XPNPEP1: variants seen among roughly 807,000 people sequenced by gnomAD.
The protein encoded by XPNPEP1 is X-prolyl aminopeptidase 1.
XPNPEP1 carries 39 observed loss-of-function variants against 92.4 expected under a neutral mutation model. The ratio of observed to expected loss-of-function variants is 0.42; its 90% CI spans 0.33 to 0.55. XPNPEP1 has a LOEUF of 0.55. Among genes scored for constraint, XPNPEP1 ranks in the 20% least tolerant of loss-of-function variants. The pLI is 0.08. For missense variants in XPNPEP1, 654 were observed against 856.1 expected, an observed-to-expected ratio of 0.76 and a Z score of 2.95; for synonymous variants, 307 against 299.4, an observed-to-expected ratio of 1.03 and a Z score of -0.26.
rs763876854 is a variant in XPNPEP1, at chr10:109,882,493, G to C, written c.980C>G (p.Pro327Arg). Residue 327 changes from proline (P) to arginine (R), a missense_variant, in exon 10 of 21, where the codon CCA becomes CGA. Pro to Arg is a moderately radical substitution (Grantham distance 103). Transcript: ENST00000502935. ...GTCACTGACCCACACCTTCTCCCTT[G>C]GGGAGAGGTCAGCACACAGGGCCTT... ...ELKALCADLS[P>R]REKVWVSDKA... is the part of the protein sequence containing the mutation. 6.2e-7 allele frequency: 1 copy of C among 1,614,076 alleles called. No homozygotes were observed. Among genetic ancestry groups the C allele is most frequent in the East Asian group, 2.2e-5 (1 of 44,896 alleles).
intron 18 of XPNPEP1, 117 bp from the exon 19 acceptor site, chr10:109,870,146 G>C: frequency 8.9e-7 from 1 of 1,124,100 alleles, no homozygotes; most frequent in Non-Finnish European, 1.3e-6. Context: ...CGGGTGAAGA[G>C]CCCACTCTAT....
At chr10:109,892,044 G>C (rs1178621960) in intron 4 of XPNPEP1, among the ~76,000 whole-genome samples, 1 of 152,164 alleles carries the variant, frequency 6.6e-6, no homozygotes, top group African/African-American at 2.4e-5. Context: ...TGAGACCCAA[G>C]CTACCTGGCA....
At chr10:109,884,257 T>C in intron 8 of XPNPEP1, 109 bp from the exon 9 acceptor site, 3 of 1,042,734 alleles carry the variant, frequency 2.9e-6, no homozygotes, top group Non-Finnish European at 4.3e-6. Context: ...TGCGCAAGGA[T>C]TCAGTGGAAT....
At chr10:109,917,665 G>C (rs1850266246) in intron 1 of XPNPEP1, among the ~76,000 whole-genome samples, 1 of 152,160 alleles carries the variant, frequency 6.6e-6, no homozygotes, top group Non-Finnish European at 1.5e-5. Flanking sequence ...ACCCAGAATA[G>C]CCAAAACAAT....
At position 109,899,321 on chromosome 10, in the gene XPNPEP1, G is replaced by C. The variant is rs72828205; in HGVS notation, c.247-6246C>G. ...GTGGGTGAGAGGTGATACCTGGGTC[G>C]GGGCTCTAACAAATGAGTGTGCCCT... On this transcript the variant is annotated intron_variant, in intron 3 of 20. Transcript: ENST00000502935. 7.2e-5 allele frequency among the ~76,000 whole-genome samples: 11 copies of C among 152,188 alleles called. No homozygotes were observed. The East Asian group carries it at 7.7e-4, about 11-fold the overall frequency.
At chr10:109,888,405 C>A in intron 6 of XPNPEP1, 98 bp downstream of exon 6, 1 of 1,296,374 alleles carries the variant, frequency 7.7e-7, no homozygotes, top group Non-Finnish European at 1.1e-6. Context: ...TCATGCTGAG[C>A]CCCCCAGTGC....
At chr10:109,868,273 C>T (rs1487200263) in intron 20 of XPNPEP1, among the ~76,000 whole-genome samples, 1 of 151,778 alleles carries the variant, frequency 6.6e-6, no homozygotes, top group Non-Finnish European at 1.5e-5. Context: ...TTTGTAGGGA[C>T]ACACATAGGC....
Position 109,864,803 on chromosome 10 carries a change from A to G in XPNPEP1, c.*381T>C. The G allele has an allele frequency of 9.3e-6, 2 of 214,674 alleles. No homozygotes were observed. Among genetic ancestry groups the G allele is most frequent in the African/African-American group, 2.3e-5 (1 of 44,278 alleles). 13.3% of individuals were successfully genotyped at this position (214,674 alleles called of 1,614,324 possible). A position where few individuals can be genotyped will look rare whatever the true frequency, so the allele number is the denominator to read the frequency against. On this transcript the variant is annotated 3_prime_UTR_variant, in exon 21 of 21. Transcript: ENST00000502935. The stretch of plus-strand genomic sequence containing the variant: ...ATTTTTATTCACTGATCATAAATAT[A>G]GTCTCATGAGCATTAAGGTGATCAT...
At chr10:109,877,505 T>C in intron 14 of XPNPEP1, 1 of 413,622 alleles carries the variant, frequency 2.4e-6, no homozygotes, top group Non-Finnish European at 4.4e-6. Flanking sequence ...GCAAGGGCTA[T>C]GCATACAGTT....
At chr10:109,897,661 T>C (rs1287364728) in intron 3 of XPNPEP1, among the ~76,000 whole-genome samples, 1 of 151,348 alleles carries the variant, frequency 6.6e-6, no homozygotes, top group Non-Finnish European at 1.5e-5. Context: ...GGTCTGACTT[T>C]TTTTTTTTTT....
chr10:109,870,309 A>G (rs970702615), intron 18 of XPNPEP1, among the ~76,000 whole-genome samples: 2 of 152,264 alleles, frequency 1.3e-5, no homozygotes, highest in Non-Finnish European at 2.9e-5. Flanking sequence ...ATCATGGTTC[A>G]CATCCGTAAG....
intron 1 of XPNPEP1, among the ~76,000 whole-genome samples, chr10:109,918,110 C>T (rs1240628537): frequency 6.6e-6 from 1 of 150,906 alleles, no homozygotes; most frequent in Non-Finnish European, 1.5e-5. Context: ...CAAGACCCTG[C>T]CTCAAAAAAA....
At chr10:109,872,999 T>C (rs1052873945) in intron 16 of XPNPEP1, among the ~76,000 whole-genome samples, 3 of 152,156 alleles carry the variant, frequency 2.0e-5, no homozygotes, top group Admixed American at 6.5e-5. Flanking sequence ...TAAATAAGAA[T>C]CTCAAAAAAA....
intron 2 of XPNPEP1, among the ~76,000 whole-genome samples, chr10:109,914,529 G>A (rs1850065722): frequency 1.3e-5 from 2 of 152,180 alleles, no homozygotes; most frequent in African/African-American, 4.8e-5. Context: ...AGGCGCAGTG[G>A]CTCATGCCTG....
intron 3 of XPNPEP1, among the ~76,000 whole-genome samples, chr10:109,904,923 G>T (rs1323309858): frequency 6.6e-6 from 1 of 152,000 alleles, no homozygotes; most frequent in African/African-American, 2.4e-5. Flanking sequence ...ATATCCAAAA[G>T]AATGGAAAAC....
intron 1 of XPNPEP1, among the ~76,000 whole-genome samples, chr10:109,917,773 T>C (rs1468801924): frequency 1.3e-5 from 2 of 152,108 alleles, no homozygotes; most frequent in Non-Finnish European, 2.9e-5. Flanking sequence ...GACTTACAAA[T>C]GAGTAAAACA....
chr10:109,901,227 G>A (rs1849271005), intron 3 of XPNPEP1, among the ~76,000 whole-genome samples: 1 of 133,314 alleles, frequency 7.5e-6, no homozygotes, highest in South Asian at 2.4e-4. Context: ...GGTGGCAACT[G>A]AACAATGGAA....
In XPNPEP1 at chr10:109,877,876, G is replaced by T; in HGVS notation, c.1242-9C>A. ...CAAAGTCTGCCTGTTGCCTGTAACA[G>T]AAAGACAGAAAGCAGAGTGGCTTAA... On this transcript the variant is annotated splice_polypyrimidine_tract_variant and intron_variant, in intron 13 of 20. Coordinates refer to ENST00000502935, the MANE Select transcript of XPNPEP1 (RefSeq NM_020383.4). 1 of 1,614,232 alleles carries T rather than the reference G, an allele frequency of 6.2e-7. No homozygotes were observed. Among genetic ancestry groups the T allele is most frequent in the Non-Finnish European group, 8.5e-7 (1 of 1,180,032 alleles).
intron 9 of XPNPEP1, 23 bp downstream of exon 9, chr10:109,884,044 C>A: frequency 1.9e-6 from 3 of 1,609,678 alleles, no homozygotes; most frequent in Non-Finnish European, 2.5e-6. Context: ...GAAGGGAGTT[C>A]CAGATGCAGG....
Sources: gnomAD v4.1 joint callset for allele counts (sites outside exome capture counted in the v4.1 genomes callset) on GRCh38, gnomAD v4.1.1 for gene constraint, MANE v1.5 for transcripts, NCBI Gene and HGNC (gene_info 2026-07-23, HGNC 2026-07-21) for gene names.